The following NECAP2 variants were observed in gnomAD, a reference collection of about 807,000 sequenced individuals.
NECAP2 encodes the protein adaptin ear-binding coat-associated protein 2.
Under a neutral mutation model 37.8 loss-of-function variants are expected in NECAP2, and 38 were observed. The ratio of observed to expected loss-of-function variants is 1.01; its 90% CI spans 0.78 to 1.32. The LOEUF is 1.32. NECAP2 is among the 40% of genes most tolerant of loss of function. NECAP2 has a pLI of 0.00. For missense variants in NECAP2, 316 were observed against 334.5 expected (o/e 0.94, Z 0.43); for synonymous variants, 121 against 127.7 (o/e 0.95, Z 0.35).
intron 6 of NECAP2, 196 bp from the exon 7 acceptor site, chr1:16,455,622 T>G: frequency 5.1e-6 from 3 of 586,704 alleles, no homozygotes; most frequent in Non-Finnish European, 3.1e-6. Context: ...CAAGGGCTGG[T>G]GAGAAGATGC....
rs1371653776 is a variant in NECAP2, at chr1:16,459,869, G to C, written c.*979G>C. The C allele has an allele frequency of 6.6e-6, 1 of 152,168 alleles. No individual in the cohort carries two copies. The highest frequency in any genetic ancestry group is 1.5e-5 in the Non-Finnish European group (1 of 68,034). The allele number at this position is 152,168 out of a possible 1,614,324, so 9.4% of individuals were successfully genotyped here. ...CTCCTTCAGGAACTGTGAATGGCTA[G>C]AAGAAGGAGCTCAGTAAACTAGAAG... On this transcript the variant is annotated 3_prime_UTR_variant, in exon 8 of 8. Coordinates refer to ENST00000337132, the MANE Select transcript of NECAP2 (RefSeq NM_018090.5).
At chr1:16,443,242 T>C (rs2086714727) in intron 1 of NECAP2, among the ~76,000 whole-genome samples, 1 of 152,250 alleles carries the variant, frequency 6.6e-6, no homozygotes, top group African/African-American at 2.4e-5. Flanking sequence ...AGTGTGTTTT[T>C]GTATGGTTCA....
intron 1 of NECAP2, chr1:16,441,396 T>C (rs2086688251): frequency 6.5e-6 from 1 of 153,572 alleles, no homozygotes; most frequent in Admixed American, 6.5e-5. Flanking sequence ...ACCCCTTCTA[T>C]ATTTCTCTGG....
chr1:16,442,242 T>C (rs1056159098), intron 1 of NECAP2, among the ~76,000 whole-genome samples: 2 of 152,114 alleles, frequency 1.3e-5, no homozygotes, highest in Admixed American at 6.5e-5. Flanking sequence ...CCTCCCAAAG[T>C]GCTGGGATTA....
At position 16,459,530 on chromosome 1, in the gene NECAP2, C is replaced by G. The variant is rs2086983177; in HGVS notation, c.*640C>G. 6.6e-6 allele frequency: 1 copy of G among 152,336 alleles called. No homozygotes were observed. Among genetic ancestry groups the G allele is most frequent in the South Asian group, 2.1e-4 (1 of 4,834 alleles). 9.4% of individuals were successfully genotyped at this position (152,336 alleles called of 1,614,324 possible). A position where few individuals can be genotyped will look rare whatever the true frequency, so the allele number is the denominator to read the frequency against. On this transcript the variant is annotated 3_prime_UTR_variant, in exon 8 of 8. Transcript: ENST00000337132. ...GAACTGCTCCCTCGGCGTGCCCCAG[C>G]TGGGGCCTCTGAAGGGATTCCTCAC...
At chr1:16,444,911 C>T (rs961593641) in intron 2 of NECAP2, among the ~76,000 whole-genome samples, 3 of 152,216 alleles carry the variant, frequency 2.0e-5, no homozygotes, top group Admixed American at 1.3e-4. Context: ...CAACCTCTGC[C>T]TCACAGGTTC....
chr1:16,446,795 C>T (rs1048591054), intron 2 of NECAP2, among the ~76,000 whole-genome samples: 7 of 152,132 alleles, frequency 4.6e-5, no homozygotes, highest in African/African-American at 1.7e-4. Flanking sequence ...TGCAGTGGCT[C>T]ACGCCTGTAA....
In NECAP2 at chr1:16,459,025, G is replaced by A; in HGVS notation, c.*135G>A. ...TCTCCTCTCCTCCTTGTCTGGCTCT[G>A]TTGACAAACCGGGCATGTTTGGCAG... On this transcript the variant is annotated 3_prime_UTR_variant, in exon 8 of 8. Transcript: ENST00000337132. 6.4e-7 allele frequency: 1 copy of A among 1,551,790 alleles called. No individual in the cohort carries two copies. Among genetic ancestry groups the A allele is most frequent in the African/African-American group, 1.4e-5 (1 of 72,534 alleles).
At position 16,459,839 on chromosome 1, in the gene NECAP2, C is replaced by T. The variant is rs2086989256; in HGVS notation, c.*949C>T. The T allele has an allele frequency of 6.6e-6, 1 of 152,202 alleles. No individual in the cohort carries two copies. Among genetic ancestry groups the T allele is most frequent in the Non-Finnish European group, 1.5e-5 (1 of 68,054 alleles). The allele number at this position is 152,202 out of a possible 1,614,324, so 9.4% of individuals were successfully genotyped here. On this transcript the variant is annotated 3_prime_UTR_variant, in exon 8 of 8. Transcript: ENST00000337132. ...AAAGTGCCTTATCTGCAAACAACTT[C>T]TTTTCTCCTTCAGGAACTGTGAATG...
At chr1:16,441,848 C>T (rs1335323233) in intron 1 of NECAP2, among the ~76,000 whole-genome samples, 2 of 152,166 alleles carry the variant, frequency 1.3e-5, no homozygotes, top group Non-Finnish European at 2.9e-5. Context: ...GTGAACATTA[C>T]ATTCATGACA....
chr1:16,448,177 C>T (rs1369230258), intron 4 of NECAP2, 36 bp downstream of exon 4: 3 of 1,559,378 alleles, frequency 1.9e-6, no homozygotes, highest in Non-Finnish European at 2.7e-6. Flanking sequence ...TCATGCCCCT[C>T]CCTTCTTTCC....
At chr1:16,447,078 A>C (rs1478626222) in intron 2 of NECAP2, among the ~76,000 whole-genome samples, 3 of 137,628 alleles carry the variant, frequency 2.2e-5, no homozygotes, top group Non-Finnish European at 4.8e-5. Context: ...AAAAAAAAAA[A>C]GGTATAAATC....
At chr1:16,449,283 C>A in intron 5 of NECAP2, 82 bp downstream of exon 5, 1 of 881,042 alleles carries the variant, frequency 1.1e-6, no homozygotes, top group Non-Finnish European at 1.8e-6. Context: ...TCTTACAGTT[C>A]AGCTCCTTCA....
rs982680107 is a variant in NECAP2 at position 16,451,829 on chromosome 1, C to T, written c.490-9C>T. ...AACGGGCTGATTTGCATTCCTCTTC[C>T]CTCTTTAGAACATGAAGAAGAAGGA... On this transcript the variant is annotated splice_polypyrimidine_tract_variant and intron_variant, in intron 5 of 7. Coordinates refer to ENST00000337132, the MANE Select transcript of NECAP2 (RefSeq NM_018090.5). 11 of 1,613,952 alleles carry T rather than the reference C, an allele frequency of 6.8e-6. No homozygotes were observed. The African/African-American group carries it at 1.5e-4, about 22-fold the overall frequency.
chr1:16,451,391 T>C (rs1255515949), intron 5 of NECAP2: 1 of 157,920 alleles, frequency 6.3e-6, no homozygotes, highest in Non-Finnish European at 1.4e-5. Flanking sequence ...TGTTGGTTTA[T>C]ATCTAGGAGT....
chr1:16,442,150 G>C (rs1168758510), intron 1 of NECAP2, among the ~76,000 whole-genome samples: 9 of 152,022 alleles, frequency 5.9e-5, no homozygotes, highest in Admixed American at 5.9e-4. Context: ...GACTAATTTT[G>C]TGTTTTTAGT....
chr1:16,457,826 T>C (rs279021), intron 7 of NECAP2, among the ~76,000 whole-genome samples: 112,525 of 150,932 alleles, frequency 0.75, 42,746 homozygotes, highest in African/African-American at 0.87. Flanking sequence ...GATTATCCCT[T>C]AGCCTCCTGA....
At position 16,443,641 on chromosome 1, in the gene NECAP2, G is replaced by A. The variant is rs2100943709; in HGVS notation, c.102G>A (p.Glu34=). Residue 34 remains glutamate, a synonymous_variant, in exon 2 of 8, where the codon GAG becomes GAA. Coordinates refer to ENST00000337132, the MANE Select transcript of NECAP2 (RefSeq NM_018090.5). ...RATNRGYRAA[E]WQLDQPSWSG... Reference sequence around the variant, plus strand: ...GTGTTTGTCCCCTTAGGGCTGCGGAGTGGCAGCTGGACCAGCCATCATGGA... The same window carrying A: ...GTGTTTGTCCCCTTAGGGCTGCGGAATGGCAGCTGGACCAGCCATCATGGA... The A allele has an allele frequency of 6.2e-7, 1 of 1,609,950 alleles. No homozygotes were observed. The highest frequency in any genetic ancestry group is 1.1e-5 in the South Asian group (1 of 90,148).
rs930734994 is a variant in NECAP2 at position 16,448,586 on chromosome 1, C to T, written c.380+445C>T. ...AGGCTGCCAGTGAGTGGGCTGTGCC[C>T]GGCCACTCACATGGGCGCCTCTGGC... On this transcript the variant is annotated intron_variant, in intron 4 of 7. Coordinates refer to ENST00000337132, the MANE Select transcript of NECAP2 (RefSeq NM_018090.5). Among the ~76,000 whole-genome samples the T allele has an allele frequency of 2.0e-5, 3 of 152,306 alleles. 1 individual carries two copies. The highest frequency in any genetic ancestry group is 4.1e-4 in the South Asian group (2 of 4,826).
Sources: gnomAD v4.1 joint callset for allele counts (sites outside exome capture counted in the v4.1 genomes callset) on GRCh38, gnomAD v4.1.1 for gene constraint, MANE v1.5 for transcripts, NCBI Gene and HGNC (gene_info 2026-07-23, HGNC 2026-07-21) for gene names.